RASGRF1: variants seen among roughly 807,000 people sequenced by gnomAD.
The protein encoded by RASGRF1 is Ras protein specific guanine nucleotide releasing factor 1.
Under a neutral mutation model 138.7 loss-of-function variants are expected in RASGRF1, and 40 were observed. The observed-to-expected ratio is 0.29, with a 90% CI of 0.22 to 0.38. The LOEUF is 0.38. Ranked by LOEUF, RASGRF1 falls within the 10% of genes least tolerant of loss-of-function variation. The probability of loss-of-function intolerance (pLI) is 1.00; values close to 1 mark genes in which losing one functional copy is unlikely to be tolerated. For synonymous variants in RASGRF1, 614 were observed against 663.2 expected (o/e 0.93, Z 1.14); for missense variants, 1,108 against 1,650.4 (o/e 0.67, Z 5.69).
chr15:78,966,777 G>A (rs2055652802), intron 26 of RASGRF1, among the ~76,000 whole-genome samples: 1 of 152,058 alleles, frequency 6.6e-6, no homozygotes, highest in African/African-American at 2.4e-5. Flanking sequence ...ATCCAGTGCA[G>A]CAGCCATTAG....
intron 1 of RASGRF1, among the ~76,000 whole-genome samples, chr15:79,086,479 C>T (rs13380104): frequency 0.43 from 65,053 of 151,892 alleles, 14,186 homozygotes; most frequent in East Asian, 0.5. Flanking sequence ...ATCTGCCAGG[C>T]CAACCAGTAA....
intron 23 of RASGRF1, among the ~76,000 whole-genome samples, chr15:78,982,907 G>A (rs1371833974): frequency 2.0e-5 from 3 of 152,124 alleles, no homozygotes; most frequent in African/African-American, 7.2e-5. Context: ...CCCCAAAGAG[G>A]ATGGGGAGAG....
intron 14 of RASGRF1, chr15:79,004,577 G>A: frequency 2.1e-6 from 2 of 955,316 alleles, no homozygotes; most frequent in Non-Finnish European, 2.5e-6. Flanking sequence ...TTTGTGGAAT[G>A]AGGAAGCTGA....
At chr15:78,978,835 C>T (rs1596317491) in intron 24 of RASGRF1, 3 of 1,176,090 alleles carry the variant, frequency 2.6e-6, no homozygotes, top group African/African-American at 3.2e-5. Context: ...AAGTCCAGAA[C>T]CTGGTTTGCA....
chr15:78,972,505 T>C (rs1404109163), intron 25 of RASGRF1, among the ~76,000 whole-genome samples: 2 of 152,006 alleles, frequency 1.3e-5, no homozygotes, highest in East Asian at 3.9e-4. Context: ...AAATCTCCTT[T>C]AATTAGTGGC....
Position 79,032,099 on chromosome 15 carries a change from C to A in RASGRF1, c.1152+24G>T. Reference sequence around the variant, plus strand: ...CACACCTGCCTCCCTGACTCTACCCCACCCAGGCAGGGCCGGACGCCACCT... The same window carrying A: ...CACACCTGCCTCCCTGACTCTACCCAACCCAGGCAGGGCCGGACGCCACCT... On this transcript the variant is annotated intron_variant, in intron 7 of 26. Coordinates refer to ENST00000558480, the MANE Select transcript of RASGRF1 (RefSeq NM_001145648.3). This position sits in a 1 kb window ranked among gnomAD's most constrained non-coding sequence, Gnocchi z 4.5. 1 of 1,607,822 alleles carries A rather than the reference C, an allele frequency of 6.2e-7. No homozygotes were observed. The highest frequency in any genetic ancestry group is 1.1e-5 in the South Asian group (1 of 89,972).
chr15:78,993,228 G>GTGTGTGTGTATGTATGTGGTGT (rs1567468207), intron 20 of RASGRF1, among the ~76,000 whole-genome samples: 1 of 82,284 alleles, frequency 1.2e-5, no homozygotes, highest in Non-Finnish European at 2.8e-5. Context: ...TGCCTGTGTG[G>GTGTGTGTGTATGTATGTGGTGT]GTGATGTGTG....
chr15:79,067,839 A>C (rs2057700158), intron 1 of RASGRF1, among the ~76,000 whole-genome samples: 1 of 152,160 alleles, frequency 6.6e-6, no homozygotes, highest in Non-Finnish European at 1.5e-5. Flanking sequence ...AGAAGCCTAC[A>C]GAGACACAGA....
At chr15:78,997,353 G>A (rs2056416399) in intron 19 of RASGRF1, among the ~76,000 whole-genome samples, 1 of 152,232 alleles carries the variant, frequency 6.6e-6, no homozygotes, top group Non-Finnish European at 1.5e-5. Flanking sequence ...GGGACTGCTA[G>A]CCACATGTCG....
chr15:79,001,832 TTTAA>T, intron 15 of RASGRF1, 45 bp from the exon 16 acceptor site: 1 of 1,074,268 alleles, frequency 9.3e-7, no homozygotes, highest in Non-Finnish European at 1.2e-6. Context: ...TAATTTTAAT[TTTAA>T]AATTTAAATA....
chr15:78,972,950 G>A (rs1462055215), intron 25 of RASGRF1, among the ~76,000 whole-genome samples: 1 of 152,188 alleles, frequency 6.6e-6, no homozygotes, highest in Admixed American at 6.5e-5. Context: ...CTGGACCCGG[G>A]CTCCAGACCT....
At chr15:78,970,403 C>T (rs1057052135) in intron 26 of RASGRF1, among the ~76,000 whole-genome samples, 22 of 152,046 alleles carry the variant, frequency 1.4e-4, no homozygotes, top group Non-Finnish European at 2.8e-4. Flanking sequence ...CCAGACCAGC[C>T]ATTCTCTTAC....
In RASGRF1 at chr15:78,987,736, CA is replaced by C. The variant is rs544007805; in HGVS notation, c.3216+2452del. 2.6e-4 allele frequency among the ~76,000 whole-genome samples: 39 copies of C among 152,006 alleles called. 1 individual carries two copies. The South Asian group carries it at 7.5e-3, about 29-fold the overall frequency. On this transcript the variant is annotated intron_variant, in intron 22 of 26. Coordinates refer to ENST00000558480, the MANE Select transcript of RASGRF1 (RefSeq NM_001145648.3). ...AAACAAAAAAAACCAAAAAACCCCA[CA>C]AAAAACCCAAGAAGGAGACACATGA...
At chr15:79,005,008 G>GCTGCTGGGAAAGGAAGGACACTGT (rs1306928455) in intron 14 of RASGRF1, 1 of 985,422 alleles carries the variant, frequency 1.0e-6, no homozygotes, top group African/African-American at 1.7e-5. Flanking sequence ...GCAGGGCACT[G>GCTGCTGGGAAAGGAAGGACACTGT]CTGCTGGGAA....
intron 10 of RASGRF1, among the ~76,000 whole-genome samples, chr15:79,023,130 C>T (rs148241215): frequency 2.1e-3 from 316 of 151,910 alleles, no homozygotes; most frequent in Middle Eastern, 0.017. Context: ...GCCGAGATCA[C>T]GCCACTGCAC....
Position 78,961,879 on chromosome 15 carries a change from G to T in RASGRF1, c.*265C>A. The T allele has an allele frequency of 2.6e-6, 1 of 380,500 alleles. No homozygotes were observed. Among genetic ancestry groups the T allele is most frequent in the Non-Finnish European group, 4.8e-6 (1 of 207,158 alleles). 23.6% of individuals were successfully genotyped at this position (380,500 alleles called of 1,614,324 possible). ...GGGTGCTGTTTCCCCTCTGAGAAGA[G>T]TGAGGAGTCTAGGGAAGAGGGACCA... On this transcript the variant is annotated 3_prime_UTR_variant, in exon 27 of 27. Transcript: ENST00000558480.
chr15:79,052,080 C>T (rs2057440281), intron 3 of RASGRF1, among the ~76,000 whole-genome samples: 1 of 152,200 alleles, frequency 6.6e-6, no homozygotes, highest in South Asian at 2.1e-4. Flanking sequence ...GGCTCACACC[C>T]TGACTCTGGC....
intron 16 of RASGRF1, among the ~76,000 whole-genome samples, chr15:79,000,686 C>T (rs2056502774): frequency 6.6e-6 from 1 of 152,128 alleles, no homozygotes; most frequent in African/African-American, 2.4e-5. Flanking sequence ...GGAAAGCAAT[C>T]CAGACTACTG....
chr15:79,088,270 G>A (rs2058007786), intron 1 of RASGRF1, among the ~76,000 whole-genome samples: 1 of 152,182 alleles, frequency 6.6e-6, no homozygotes, highest in Non-Finnish European at 1.5e-5. Context: ...AACATCTGGT[G>A]ACCTAAATAG....
Sources: allele counts gnomAD v4.1 joint callset (sites outside exome capture counted in the v4.1 genomes callset), GRCh38; gene constraint gnomAD v4.1.1; non-coding constraint Gnocchi (gnomAD v3.1); transcripts MANE v1.5; gene names NCBI Gene and HGNC (gene_info 2026-07-23, HGNC 2026-07-21).